DNAH9: variants seen among roughly 807,000 people sequenced by gnomAD.
DNAH9 encodes the protein dynein axonemal heavy chain 9.
A neutral mutation model predicts 471.6 loss-of-function variants in DNAH9; 345 were observed. The observed-to-expected ratio is 0.73, with a 90% confidence interval of 0.67 to 0.80. The LOEUF (loss-of-function observed/expected upper bound fraction) is 0.80. Ranked by LOEUF, DNAH9 falls within the 30% of genes least tolerant of loss-of-function variation. DNAH9 has a pLI of 0.00. For missense variants in DNAH9, 5,407 were observed against 5,609.2 expected (o/e 0.96, Z 1.15); for synonymous variants, 2,093 against 2,123.6 (o/e 0.99, Z 0.40).
intron 57 of DNAH9, among the ~76,000 whole-genome samples, chr17:11,889,455 G>A (rs987490738): frequency 1.5e-4 from 22 of 149,846 alleles, no homozygotes; most frequent in Admixed American, 1.4e-3. Flanking sequence ...CACATCCCAC[G>A]TGGCACGATT....
chr17:11,870,974 AG>A (rs749754633), intron 51 of DNAH9, among the ~76,000 whole-genome samples: 35 of 152,212 alleles, frequency 2.3e-4, no homozygotes, highest in Non-Finnish European at 3.2e-4. Flanking sequence ...GAAAAAATAA[AG>A]GGTGAGTCCT....
At chr17:11,633,809 G>C (rs556278584) in intron 8 of DNAH9, among the ~76,000 whole-genome samples, 1 of 152,328 alleles carries the variant, frequency 6.6e-6, no homozygotes, top group African/African-American at 2.4e-5. Context: ...CTCTCTACCA[G>C]AGATGTTCAG....
chr17:11,950,933 A>G (rs1390054750), intron 67 of DNAH9, among the ~76,000 whole-genome samples: 2 of 152,154 alleles, frequency 1.3e-5, no homozygotes, highest in Non-Finnish European at 2.9e-5. Flanking sequence ...CACTTAGTCC[A>G]GTGTACCGCC....
intron 49 of DNAH9, among the ~76,000 whole-genome samples, chr17:11,836,241 T>C (rs1420115361): frequency 6.6e-6 from 1 of 152,182 alleles, no homozygotes; most frequent in Non-Finnish European, 1.5e-5. Context: ...TGAAACCTTC[T>C]TGAATTCTGC....
chr17:11,754,945 G>T (rs777937336), intron 33 of DNAH9, among the ~76,000 whole-genome samples: 6 of 152,100 alleles, frequency 3.9e-5, no homozygotes, highest in Non-Finnish European at 5.9e-5. Context: ...GTCTTCCAGG[G>T]CTTTTATAGT....
At chr17:11,616,508 C>T (rs1174300874) in intron 4 of DNAH9, among the ~76,000 whole-genome samples, 1 of 152,132 alleles carries the variant, frequency 6.6e-6, no homozygotes, top group Non-Finnish European at 1.5e-5. Context: ...CAGATATTAG[C>T]ATCCAGTGCT....
intron 35 of DNAH9, among the ~76,000 whole-genome samples, chr17:11,762,777 T>TTTTTTTTTTTG (rs1967754176): frequency 8.8e-6 from 1 of 113,118 alleles, no homozygotes; most frequent in African/African-American, 4.2e-5. Context: ...TTTGTTTTTT[T>TTTTTTTTTTTG]TTTTTTTTTT....
Position 11,922,695 on chromosome 17 carries a change from C to A in DNAH9, c.11750-1119C>A, listed in dbSNP as rs144316956. On this transcript the variant is annotated intron_variant, in intron 61 of 68. Coordinates refer to ENST00000262442, the MANE Select transcript of DNAH9 (RefSeq NM_001372.4). ...TGTCTTGCCCCTCTTCACTCTAATT[C>A]GTGCAAAATGATGAGATAACTCTTT... 1.7e-3 allele frequency among the ~76,000 whole-genome samples: 266 copies of A among 152,268 alleles called. 2 individuals are homozygous for A. Among genetic ancestry groups the A allele is most frequent in the Admixed American group, 0.014 (214 of 15,286 alleles).
rs755262590 is a variant in DNAH9, at chr17:11,961,833, C to T, written c.12844-34C>T. On this transcript the variant is annotated intron_variant, in intron 67 of 68. Coordinates refer to ENST00000262442, the MANE Select transcript of DNAH9 (RefSeq NM_001372.4). Reference sequence around the variant, plus strand: ...GGTGTTTTCAGGGACTTCCCACCTTCTCACGCTTTCCCCCTCCCATTCTTT... The same window carrying T: ...GGTGTTTTCAGGGACTTCCCACCTTTTCACGCTTTCCCCCTCCCATTCTTT... 6.4e-6 allele frequency: 10 copies of T among 1,561,840 alleles called. No homozygotes were observed. The East Asian group carries it at 1.4e-4, about 21-fold the overall frequency.
rs1405555495 is a variant in DNAH9 at position 11,711,962 on chromosome 17, ATATATATTTGTATATATATT to A, written c.5552+6785_5552+6804del. Among the ~76,000 whole-genome samples the A allele has an allele frequency of 3.8e-3, 43 of 11,276 alleles. 15 individuals are homozygous for A. The highest frequency in any genetic ancestry group is 5.6e-3 in the African/African-American group (39 of 7,006). 7.4% of individuals were successfully genotyped at this position (11,276 alleles called of 152,430 possible). ...TTTGTATATATATTTATATATAAATATATATATTTGTATATATATTTATATATAAATATATATATTTGTAT... is the reference window on the plus strand; with the variant it reads ...TTTGTATATATATTTATATATAAATATATATATAAATATATATATTTGTAT... On this transcript the variant is annotated intron_variant, in intron 26 of 68. Coordinates refer to ENST00000262442, the MANE Select transcript of DNAH9 (RefSeq NM_001372.4).
At chr17:11,600,340 ATAAG>A (rs72357544) in intron 1 of DNAH9, among the ~76,000 whole-genome samples, 3,749 of 152,270 alleles carry the variant, frequency 0.025, 78 homozygotes, top group Admixed American at 0.043. Flanking sequence ...AAGAATTTGT[ATAAG>A]TAGAGAGCAA....
intron 43 of DNAH9, among the ~76,000 whole-genome samples, chr17:11,803,420 G>A (rs1387336008): frequency 6.6e-6 from 1 of 152,148 alleles, no homozygotes; most frequent in Non-Finnish European, 1.5e-5. Flanking sequence ...ACACGCACAT[G>A]CGTGTCTAGT....
chr17:11,828,473 C>CAAGAAA (rs1970578746), intron 48 of DNAH9, among the ~76,000 whole-genome samples: 1 of 125,886 alleles, frequency 7.9e-6, no homozygotes, highest in Admixed American at 8.2e-5. Flanking sequence ...AACTCCGTCT[C>CAAGAAA]AAAAAAAAAA....
chr17:11,667,867 T>C (rs2073900389), intron 15 of DNAH9, among the ~76,000 whole-genome samples: 1 of 152,216 alleles, frequency 6.6e-6, no homozygotes, highest in African/African-American at 2.4e-5. Context: ...CACACCTGTC[T>C]GCAAGCAAGG....
intron 27 of DNAH9, among the ~76,000 whole-genome samples, chr17:11,721,003 T>A (rs886228132): frequency 2.0e-5 from 3 of 149,910 alleles, no homozygotes; most frequent in Non-Finnish European, 4.4e-5. Context: ...GCAGCAGCAC[T>A]GCCAAAGTAA....
intron 32 of DNAH9, among the ~76,000 whole-genome samples, chr17:11,750,489 A>G (rs1986938): frequency 0.95 from 144,620 of 152,196 alleles, 69,120 homozygotes; most frequent in East Asian, 1. Context: ...TCCTTTCCTG[A>G]TTGGTTCATG....
intron 11 of DNAH9, among the ~76,000 whole-genome samples, chr17:11,645,666 C>A (rs1424789266): frequency 1.3e-5 from 2 of 152,076 alleles, no homozygotes; most frequent in Non-Finnish European, 2.9e-5. Context: ...CACACAGTTT[C>A]AAGCATGCTG....
At chr17:11,713,202 C>A (rs1399459459) in intron 26 of DNAH9, among the ~76,000 whole-genome samples, 1 of 152,164 alleles carries the variant, frequency 6.6e-6, no homozygotes, top group Admixed American at 6.6e-5. Context: ...TAGACTCCAA[C>A]TCCATCCATG....
At chr17:11,709,851 C>T (rs2150785076) in intron 26 of DNAH9, among the ~76,000 whole-genome samples, 1 of 152,266 alleles carries the variant, frequency 6.6e-6, no homozygotes, top group East Asian at 1.9e-4. Flanking sequence ...TAATCAACTG[C>T]TTATCAATGT....
Sources: gnomAD v4.1 joint callset for allele counts (sites outside exome capture counted in the v4.1 genomes callset) on GRCh38, gnomAD v4.1.1 for gene constraint, MANE v1.5 for transcripts, NCBI Gene and HGNC (gene_info 2026-07-23, HGNC 2026-07-21) for gene names.